ADIPOR2: variants seen among roughly 807,000 people sequenced by gnomAD.
ADIPOR2 encodes adiponectin receptor protein 2.
In ADIPOR2, 18 loss-of-function variants were observed where a neutral mutation model predicts 40.9. The observed-to-expected ratio is 0.44, with a 90% CI of 0.30 to 0.65. The LOEUF (loss-of-function observed/expected upper bound fraction) is 0.65, where lower values mean the gene tolerates loss of function less well. Among genes scored for constraint, ADIPOR2 ranks in the 30% least tolerant of loss-of-function variants. ADIPOR2 has a pLI of 0.09. For missense variants in ADIPOR2, 283 were observed against 479.2 expected, an observed-to-expected ratio of 0.59 and a Z score of 3.82; for synonymous variants, 165 against 166.4, an observed-to-expected ratio of 0.99 and a Z score of 0.06.
At position 1,691,091 on chromosome 12, in the gene ADIPOR2, G is replaced by A; in HGVS notation, c.-187G>A. 2 of 166,170 alleles carry A rather than the reference G, an allele frequency of 1.2e-5. No individual in the cohort carries two copies. 10.3% of individuals were successfully genotyped at this position (166,170 alleles called of 1,614,324 possible). Reference sequence around the variant, plus strand: ...TTCCAGAAGCGGCATCGCGGCGGCGGCAGCGGCGGCGGCTACACCGGGCTT... The same window carrying A: ...TTCCAGAAGCGGCATCGCGGCGGCGACAGCGGCGGCGGCTACACCGGGCTT... On this transcript the variant is annotated 5_prime_UTR_variant, in exon 1 of 8. Transcript: ENST00000357103.
At chr12:1,691,422 C>T (rs2094626612) in intron 1 of ADIPOR2, among the ~76,000 whole-genome samples, 8 of 152,166 alleles carry the variant, frequency 5.3e-5, no homozygotes, top group Admixed American at 5.2e-4. Context: ...GAGCCGCCCT[C>T]CTTGCGACCG....
chr12:1,721,656 A>C (rs1318718837), intron 1 of ADIPOR2, among the ~76,000 whole-genome samples: 1 of 152,194 alleles, frequency 6.6e-6, no homozygotes, highest in African/African-American at 2.4e-5. Flanking sequence ...AATATCAGAG[A>C]CAAGTGCTAT....
chr12:1,777,382 CTT>C (rs59141974), intron 3 of ADIPOR2, among the ~76,000 whole-genome samples: 1,387 of 98,702 alleles, frequency 0.014, 10 homozygotes, highest in South Asian at 0.025. Context: ...TTTTTTCTTT[CTT>C]TTTTTTTTTT....
chr12:1,721,872 A>G (rs1565637338), intron 1 of ADIPOR2, among the ~76,000 whole-genome samples: 1 of 152,190 alleles, frequency 6.6e-6, no homozygotes, highest in Admixed American at 6.5e-5. Context: ...TAAGGAGCAG[A>G]CAGGTCAGTG....
chr12:1,772,568 T>A, intron 2 of ADIPOR2: 1 of 251,680 alleles, frequency 4.0e-6, no homozygotes, highest in East Asian at 7.9e-5. Context: ...ACATAATTTT[T>A]AAAAAACAAA....
chr12:1,780,582 TG>T lies in ADIPOR2; in HGVS notation c.597del (p.Trp199CysfsTer28). The T allele has an allele frequency of 6.2e-7, 1 of 1,613,786 alleles. No individual in the cohort carries two copies. Among genetic ancestry groups the T allele is most frequent in the Non-Finnish European group, 8.5e-7 (1 of 1,179,866 alleles). On this transcript the variant is annotated frameshift_variant, in exon 5 of 8. Transcript: ENST00000357103. LOFTEE classifies it high-confidence loss of function. Reference sequence around the variant, plus strand: ...AGCCATTCTCTGCCTTTCTTTTTCATGGCTCTTCCACACAGTCTACTGCCAC... The same window carrying T: ...AGCCATTCTCTGCCTTTCTTTTTCATGCTCTTCCACACAGTCTACTGCCAC... ...LGAILCLSFS[W>X]LFHTVYCHSE...
At chr12:1,754,749 A>G (rs1565650188) in intron 2 of ADIPOR2, among the ~76,000 whole-genome samples, 2 of 150,540 alleles carry the variant, frequency 1.3e-5, no homozygotes, top group African/African-American at 4.9e-5. Context: ...TACTACTACT[A>G]TTGAGACGGA....
chr12:1,781,568 AG>A (rs1397806055), intron 6 of ADIPOR2, among the ~76,000 whole-genome samples: 1 of 152,112 alleles, frequency 6.6e-6, no homozygotes, highest in Non-Finnish European at 1.5e-5. Context: ...CTTCTGATGT[AG>A]GGATAAAGGG....
chr12:1,779,048 G>A (rs1467469652), intron 4 of ADIPOR2, among the ~76,000 whole-genome samples: 4 of 152,184 alleles, frequency 2.6e-5, no homozygotes, highest in Admixed American at 6.5e-5. Flanking sequence ...GTCTTGGCAA[G>A]GATGTGGGGA....
Position 1,788,647 on chromosome 12 carries a change from A to G in ADIPOR2, c.*2575A>G, listed in dbSNP as rs1487922472. On this transcript the variant is annotated 3_prime_UTR_variant, in exon 8 of 8. Coordinates refer to ENST00000357103, the MANE Select transcript of ADIPOR2 (RefSeq NM_024551.3). ...GGATTTCCCTACTTGCTGTATTCTC[A>G]GTTTCTAATAAAAAGAACCAAATGA... 2.0e-5 allele frequency: 3 copies of G among 152,570 alleles called. No homozygotes were observed. The highest frequency in any genetic ancestry group is 4.4e-5 in the Non-Finnish European group (3 of 68,028). The allele number at this position is 152,570 out of a possible 1,614,324, so 9.5% of individuals were successfully genotyped here. A position where few individuals can be genotyped will look rare whatever the true frequency, so the allele number is the denominator to read the frequency against.
intron 1 of ADIPOR2, among the ~76,000 whole-genome samples, chr12:1,705,767 A>G (rs2094660950): frequency 6.6e-6 from 1 of 152,176 alleles, no homozygotes; most frequent in African/African-American, 2.4e-5. Flanking sequence ...CTTTAAAGAC[A>G]TTGTTTTTGT....
intron 1 of ADIPOR2, among the ~76,000 whole-genome samples, chr12:1,695,663 C>CAAAAAAA (rs34987467): frequency 1.6e-4 from 17 of 109,098 alleles, no homozygotes; most frequent in African/African-American, 5.4e-4. Context: ...AACTCCATCT[C>CAAAAAAA]AAAAAAAAAA....
At chr12:1,710,375 A>T (rs111807106) in intron 1 of ADIPOR2, among the ~76,000 whole-genome samples, 2 of 152,074 alleles carry the variant, frequency 1.3e-5, no homozygotes, top group African/African-American at 4.8e-5. Context: ...CTGCGGCTTC[A>T]TTCTTGAAGT....
At chr12:1,693,108 T>C (rs562597299) in intron 1 of ADIPOR2, among the ~76,000 whole-genome samples, 1 of 152,150 alleles carries the variant, frequency 6.6e-6, no homozygotes, top group South Asian at 2.1e-4. Context: ...TGAGCCAAGA[T>C]TGCACCATTG....
chr12:1,775,066 G>A (rs1158302596), intron 3 of ADIPOR2, among the ~76,000 whole-genome samples: 1 of 150,136 alleles, frequency 6.7e-6, no homozygotes, highest in African/African-American at 2.4e-5. Flanking sequence ...TCCATCTCCT[G>A]ACCTCGTGAT....
intron 1 of ADIPOR2, among the ~76,000 whole-genome samples, chr12:1,743,855 A>G (rs1247875489): frequency 6.6e-6 from 1 of 152,194 alleles, no homozygotes; most frequent in Non-Finnish European, 1.5e-5. Flanking sequence ...AGGAGATAAA[A>G]TAATTTAACT....
intron 1 of ADIPOR2, among the ~76,000 whole-genome samples, chr12:1,699,615 C>G (rs962238383): frequency 2.6e-5 from 4 of 152,218 alleles, no homozygotes; most frequent in African/African-American, 9.6e-5. Context: ...AGCACCATTG[C>G]ACTCCAGCCT....
At chr12:1,715,207 GA>G (rs2094685127) in intron 1 of ADIPOR2, among the ~76,000 whole-genome samples, 1 of 152,100 alleles carries the variant, frequency 6.6e-6, no homozygotes. Context: ...ATCCTTCAGT[GA>G]AAAGAAAGCT....
chr12:1,763,250 C>T (rs1862306569), intron 2 of ADIPOR2, among the ~76,000 whole-genome samples: 1 of 152,206 alleles, frequency 6.6e-6, no homozygotes, highest in Non-Finnish European at 1.5e-5. Context: ...GATTGTGAGG[C>T]ACACTTAATG....
Sources: gnomAD v4.1 joint callset for allele counts (sites outside exome capture counted in the v4.1 genomes callset) on GRCh38, gnomAD v4.1.1 for gene constraint, MANE v1.5 for transcripts, NCBI Gene and HGNC (gene_info 2026-07-23, HGNC 2026-07-21) for gene names.